The following MSH3 variants were observed in gnomAD, a reference collection of about 807,000 sequenced individuals.
MSH3 encodes DNA mismatch repair protein Msh3.
Under a neutral mutation model 123.3 loss-of-function variants are expected in MSH3, and 106 were observed. The ratio of observed to expected loss-of-function variants is 0.86; its 90% CI spans 0.73 to 1.01. The LOEUF (loss-of-function observed/expected upper bound fraction) is 1.01. Ranked by LOEUF, MSH3 falls within the 50% of genes least tolerant of loss-of-function variation. The pLI is 0.00. For synonymous variants in MSH3, 515 were observed against 481.4 expected (o/e 1.07, Z -0.91); for missense variants, 1,459 against 1,347.6 (o/e 1.08, Z -1.29).
chr5:80,875,314 GA>G (rs771260780), intron 23 of MSH3, among the ~76,000 whole-genome samples: 68 of 143,058 alleles, frequency 4.8e-4, no homozygotes, highest in Middle Eastern at 3.7e-3. Flanking sequence ...CTATTCTGCA[GA>G]AAAAAAAAAA....
In MSH3 at chr5:80,659,245, A is replaced by G. The variant is rs953027067; in HGVS notation, c.358+2714A>G. On this transcript the variant is annotated intron_variant, in intron 2 of 23. Transcript: ENST00000265081. Reference sequence around the variant, plus strand: ...TGAGATTCTGTCTCAAAAAAAAAAAAAAAGATACAGTTATGCAATATGATT... The same window carrying G: ...TGAGATTCTGTCTCAAAAAAAAAAAGAAAGATACAGTTATGCAATATGATT... Among the ~76,000 whole-genome samples, 9 of 152,098 alleles carry G rather than the reference A, an allele frequency of 5.9e-5. No homozygotes were observed. In the East Asian group the frequency reaches 1.7e-3, roughly 29 times the overall value.
chr5:80,789,664 C>T (rs1280579396), intron 18 of MSH3, among the ~76,000 whole-genome samples: 1 of 152,190 alleles, frequency 6.6e-6, no homozygotes, highest in African/African-American at 2.4e-5. Context: ...AGCCATAGCG[C>T]CTGTCCTGTA....
At chr5:80,873,957 A>G (rs1746264859) in intron 23 of MSH3, among the ~76,000 whole-genome samples, 1 of 152,158 alleles carries the variant, frequency 6.6e-6, no homozygotes, top group Non-Finnish European at 1.5e-5. Context: ...CAAATATAAA[A>G]TTCTAAAACA....
At chr5:80,710,613 G>A (rs935358170) in intron 8 of MSH3, among the ~76,000 whole-genome samples, 3 of 152,090 alleles carry the variant, frequency 2.0e-5, no homozygotes, top group Admixed American at 2.0e-4. Flanking sequence ...TATTCTTCTG[G>A]GAAAGCATCT....
chr5:80,790,430 G>T (rs1252645077), intron 18 of MSH3, among the ~76,000 whole-genome samples: 2 of 152,028 alleles, frequency 1.3e-5, no homozygotes, highest in East Asian at 3.8e-4. Context: ...TTATTGGATT[G>T]TTTTATAAAT....
intron 15 of MSH3, among the ~76,000 whole-genome samples, chr5:80,771,264 G>A (rs1421526231): frequency 2.6e-5 from 4 of 152,084 alleles, no homozygotes; most frequent in South Asian, 2.1e-4. Flanking sequence ...CAGGAGGATC[G>A]CTTGAGCTCC....
intron 2 of MSH3, 118 bp from the exon 3 acceptor site, chr5:80,665,019 ATTATAG>A: frequency 1.4e-6 from 1 of 706,230 alleles, no homozygotes. Flanking sequence ...AAAAAATCAC[ATTATAG>A]TTAGATTCAT....
chr5:80,824,946 C>G (rs1239841724), intron 20 of MSH3, among the ~76,000 whole-genome samples: 2 of 152,146 alleles, frequency 1.3e-5, no homozygotes, highest in African/African-American at 4.8e-5. Flanking sequence ...TGTTCCCTAT[C>G]CATTCCACTG....
chr5:80,808,871 A>ATATCTATATATATATCTATATATATATC (rs1744951851), intron 19 of MSH3, among the ~76,000 whole-genome samples: 2 of 128,256 alleles, frequency 1.6e-5, no homozygotes, highest in Non-Finnish European at 3.2e-5. Flanking sequence ...ATATATATAT[A>ATATCTATATATATATCTATATATATATC]TATATATATA....
At chr5:80,804,605 GTCC>G (rs1235687510) in intron 19 of MSH3, among the ~76,000 whole-genome samples, 1 of 152,174 alleles carries the variant, frequency 6.6e-6, no homozygotes, top group East Asian at 1.9e-4. Flanking sequence ...GACTCTTGTT[GTCC>G]TCCTTTACTT....
In MSH3 at chr5:80,766,339, CTTTTTTT is replaced by C. The variant is rs1166492002; in HGVS notation, c.1897-1576_1897-1570del. On this transcript the variant is annotated intron_variant, in intron 13 of 23. Coordinates refer to ENST00000265081, the MANE Select transcript of MSH3 (RefSeq NM_002439.5). The stretch of plus-strand genomic sequence containing the variant: ...TCTTCTTTTCTAGTGTGTTTTTTTC[CTTTTTTT>C]TTTTTTTTTTTTTTTTTGAGACGGA... Among the ~76,000 whole-genome samples, 147 of 78,234 alleles carry C rather than the reference CTTTTTTT, an allele frequency of 1.9e-3. 1 individual carries two copies. Among genetic ancestry groups the C allele is most frequent in the Middle Eastern group, 0.024 (2 of 84 alleles). 51.3% of individuals were successfully genotyped at this position (78,234 alleles called of 152,430 possible).
chr5:80,842,428 C>T (rs943510661), intron 20 of MSH3, among the ~76,000 whole-genome samples: 1 of 151,988 alleles, frequency 6.6e-6, no homozygotes, highest in Non-Finnish European at 1.5e-5. Context: ...GTACTTTTTT[C>T]CAATTCTGTG....
chr5:80,854,111 G>A lies in MSH3; in HGVS notation c.2814-19G>A. On this transcript the variant is annotated intron_variant, in intron 20 of 23. Coordinates refer to ENST00000265081, the MANE Select transcript of MSH3 (RefSeq NM_002439.5). The stretch of plus-strand genomic sequence containing the variant: ...AGAAAGTGAAGAGGAAAATCAAGGT[G>A]TTTTCATCTTGCTTGTAGGATGGGT... 8.1e-6 allele frequency: 13 copies of A among 1,602,850 alleles called. No homozygotes were observed. Among genetic ancestry groups the A allele is most frequent in the Non-Finnish European group, 1.1e-5 (13 of 1,170,322 alleles).
At chr5:80,845,662 C>T (rs1029941115) in intron 20 of MSH3, among the ~76,000 whole-genome samples, 4 of 152,104 alleles carry the variant, frequency 2.6e-5, no homozygotes, top group African/African-American at 9.7e-5. Context: ...GATCTTCGGT[C>T]GCTGATATCC....
chr5:80,669,964 A>G, intron 3 of MSH3, 133 bp from the exon 4 acceptor site: 3 of 816,380 alleles, frequency 3.7e-6, no homozygotes, highest in East Asian at 2.7e-5. Flanking sequence ...CCGGAATGCT[A>G]CAATGTGCTT....
intron 17 of MSH3, among the ~76,000 whole-genome samples, chr5:80,779,480 T>G (rs1431315827): frequency 6.6e-6 from 1 of 152,050 alleles, no homozygotes; most frequent in Non-Finnish European, 1.5e-5. Context: ...CCTACGTCTT[T>G]AAAAATAAGG....
intron 19 of MSH3, among the ~76,000 whole-genome samples, chr5:80,803,959 T>G (rs186131211): frequency 6.6e-6 from 1 of 152,300 alleles, no homozygotes; most frequent in Non-Finnish European, 1.5e-5. Flanking sequence ...GTTATATAGC[T>G]CTGTAGTATA....
rs143211109 is a variant in MSH3 at position 80,679,002 on chromosome 5, C to G, written c.1249C>G (p.Arg417Gly). 1 of 1,614,064 alleles carries G rather than the reference C, an allele frequency of 6.2e-7. No individual in the cohort carries two copies. The highest frequency in any genetic ancestry group is 8.5e-7 in the Non-Finnish European group (1 of 1,179,982). ...DSASRSELET[R>G]MSSLQPVELL... ...TGCTTCTCGTTCAGAGCTAGAAACC[C>G]GGATGTCAAGCCTGCAGCCAGTAGA... Residue 417 changes from arginine to glycine, a missense_variant, in exon 8 of 24, where the codon CGG becomes GGG. Arg to Gly is a moderately radical substitution (Grantham distance 125, BLOSUM62 -2). Coordinates refer to ENST00000265081, the MANE Select transcript of MSH3 (RefSeq NM_002439.5).
intron 8 of MSH3, among the ~76,000 whole-genome samples, chr5:80,725,088 C>T (rs1245451863): frequency 3.3e-5 from 5 of 151,682 alleles, no homozygotes; most frequent in Admixed American, 2.6e-4. Context: ...ATGGCGGGCA[C>T]CTGTAGCTTC....
Sources: allele counts gnomAD v4.1 joint callset (sites outside exome capture counted in the v4.1 genomes callset), GRCh38; gene constraint gnomAD v4.1.1; transcripts MANE v1.5; gene names NCBI Gene and HGNC (gene_info 2026-07-23, HGNC 2026-07-21).